TMEM235: variants seen among roughly 807,000 people sequenced by gnomAD.
TMEM235 encodes claudin-27.
In TMEM235, 23 loss-of-function variants were observed where a neutral mutation model predicts 22.9. That is an observed-to-expected ratio of 1.00 (90% CI 0.72 to 1.42). TMEM235 has a LOEUF of 1.42. Ranked by LOEUF, TMEM235 falls within the 40% of genes most tolerant of loss-of-function variation. The pLI, the probability that TMEM235 is intolerant of heterozygous loss-of-function variation, is 0.00. For synonymous variants in TMEM235, 137 were observed against 140.5 expected (o/e 0.98, Z 0.17); for missense variants, 308 against 299.5 (o/e 1.03, Z -0.21).
chr17:78,234,801 T>G, intron 4 of TMEM235, 71 bp downstream of exon 3: 1 of 1,516,236 alleles, frequency 6.6e-7, no homozygotes, highest in Non-Finnish European at 8.8e-7. Flanking sequence ...AGTGGGGTGC[T>G]GCCTCTCCTG....
intron 5 of TMEM235, 130 bp downstream of exon 4, chr17:78,239,403 A>G (rs1599048261): frequency 1.7e-6 from 2 of 1,169,018 alleles, no homozygotes; most frequent in East Asian, 2.6e-5. Context: ...TGGGGGTGAC[A>G]AGGGGTGGAG....
chr17:78,239,034 A>T (rs1181232445), exon 5 of TMEM235: 2 of 1,540,464 alleles, frequency 1.3e-6, no homozygotes, highest in East Asian at 4.9e-5. Flanking sequence ...GTGTCCTGAC[A>T]CTGGCGGGGG....
rs2076666562 is a variant in TMEM235, at chr17:78,238,301, G to A, written c.410-723G>A. ...GCCCAGCTTCATTCCTTTGACAACA[G>A]CTTTGACCATGTGGAGAGCGGGAGG... On this transcript the variant is annotated intron_variant, in intron 4 of 5. Coordinates refer to ENST00000421688, the Ensembl canonical transcript of TMEM235. The surrounding 1 kb of genome is among the most constrained non-coding windows in gnomAD (Gnocchi z 4.3). Among the ~76,000 whole-genome samples, 2 of 152,186 alleles carry A rather than the reference G, an allele frequency of 1.3e-5. No homozygotes were observed. Among genetic ancestry groups the A allele is most frequent in the South Asian group, 4.1e-4 (2 of 4,836 alleles).
chr17:78,231,537 C>A, exon 2 of TMEM235: 1 of 1,303,908 alleles, frequency 7.7e-7, no homozygotes, highest in Non-Finnish European at 1.0e-6. Flanking sequence ...CCGTGCCAGG[C>A]TCCTATGCTT....
At chr17:78,235,182 T>A (rs1205913641) in intron 4 of TMEM235, among the ~76,000 whole-genome samples, 1 of 152,222 alleles carries the variant, frequency 6.6e-6, no homozygotes, top group Non-Finnish European at 1.5e-5. Flanking sequence ...GATGCTTGGC[T>A]TCTGGGGAGG....
exon 6 of TMEM235, chr17:78,239,846 G>A (rs781779785): frequency 6.8e-5 from 106 of 1,551,412 alleles, no homozygotes; most frequent in South Asian, 2.0e-4. Flanking sequence ...GAGAGATGCC[G>A]TCTCAGGCCA....
rs767723498 is a variant in TMEM235 at position 78,232,161 on chromosome 17, C to T, written c.138C>T (p.Pro46=). The change falls in exon 2 of 6, where the codon CCC becomes CCT. Residue 46 remains proline (P), a synonymous_variant. Transcript: ENST00000421688. ...ACGCCGGCAATGGCAGCGCCTGGCCCGGGCGCGCAGAGCTGCTCTCCTCGC... is the reference window on the plus strand; with the variant it reads ...ACGCCGGCAATGGCAGCGCCTGGCCTGGGCGCGCAGAGCTGCTCTCCTCGC... 4 of 1,488,162 alleles carry T rather than the reference C, an allele frequency of 2.7e-6. No individual in the cohort carries two copies. In the South Asian group the frequency reaches 3.8e-5, roughly 14 times the overall value. The allele number at this position is 1,488,162 out of a possible 1,614,324, so 92.2% of individuals were successfully genotyped here. A position where few individuals can be genotyped will look rare whatever the true frequency, so the allele number is the denominator to read the frequency against.
rs1035912798 is a variant in TMEM235, at chr17:78,237,063, G to A, written c.410-1961G>A. ...GACCCTCTGCATTGTGCCTGGGAGC[G>A]AAGGCACCGGCTAGGGGGTGGAGGG... On this transcript the variant is annotated intron_variant, in intron 4 of 5. Transcript: ENST00000421688. This position sits in a 1 kb window ranked among gnomAD's most constrained non-coding sequence, Gnocchi z 4.7. 5.9e-5 allele frequency among the ~76,000 whole-genome samples: 9 copies of A among 152,008 alleles called. No homozygotes were observed. Among genetic ancestry groups the A allele is most frequent in the African/African-American group, 1.7e-4 (7 of 41,270 alleles).
intron 4 of TMEM235, among the ~76,000 whole-genome samples, chr17:78,235,758 G>A (rs535601431): frequency 7.2e-5 from 11 of 152,042 alleles, no homozygotes; most frequent in African/African-American, 1.4e-4. Context: ...CTGCCACCAC[G>A]CCCGGCTAAT....
chr17:78,234,367 C>G (rs188557237), intron 3 of TMEM235: 1 of 738,266 alleles, frequency 1.4e-6, no homozygotes, highest in Non-Finnish European at 2.4e-6. Flanking sequence ...ACATGTGAGG[C>G]CTGGGGATGG....
chr17:78,231,992 C>A lies in TMEM235; in HGVS notation c.-32C>A, dbSNP rs1190991234. On this transcript the variant is annotated 5_prime_UTR_variant, in exon 2 of 6. Coordinates refer to ENST00000421688, the Ensembl canonical transcript of TMEM235. Reference sequence around the variant, plus strand: ...CCCGCCGCCCCCGGGGCCCTGCTACCCCCGACCCGTCCCCTCCCGCCGGCC... The same window carrying A: ...CCCGCCGCCCCCGGGGCCCTGCTACACCCGACCCGTCCCCTCCCGCCGGCC... The A allele has an allele frequency of 1.7e-6, 2 of 1,199,104 alleles. 1 individual carries two copies. Among genetic ancestry groups the A allele is most frequent in the Non-Finnish European group, 2.1e-6 (2 of 965,362 alleles). 74.3% of individuals were successfully genotyped at this position (1,199,104 alleles called of 1,614,324 possible).
chr17:78,239,015 C>CT lies in TMEM235; in HGVS notation c.410-8dup. 1 of 1,535,460 alleles carries CT rather than the reference C, an allele frequency of 6.5e-7. No homozygotes were observed. Among genetic ancestry groups the CT allele is most frequent in the Non-Finnish European group, 8.8e-7 (1 of 1,142,036 alleles). ...CACCGAGCAGCTGCCCTCCCCATCT[C>CT]TCCCCCAGGTGTCCTGACACTGGCG... On this transcript the variant is annotated splice_polypyrimidine_tract_variant and intron_variant, in intron 4 of 5. Transcript: ENST00000421688.
chr17:78,233,971 C>T, exon 3 of TMEM235: 1 of 1,525,952 alleles, frequency 6.6e-7, no homozygotes, highest in Non-Finnish European at 8.8e-7. Flanking sequence ...TGCAGCACCT[C>T]ATCTGTGAGT....
chr17:78,234,615 G>A (rs999064342), exon 4 of TMEM235: 3 of 1,536,204 alleles, frequency 2.0e-6, no homozygotes, highest in Non-Finnish European at 2.6e-6. Context: ...CAGTCATTGT[G>A]GTCCTGCCCC....
chr17:78,232,298 CGCCA>C (rs745972254), intron 2 of TMEM235, 85 bp downstream of exon 1: 8 of 1,278,446 alleles, frequency 6.3e-6, no homozygotes, highest in Non-Finnish European at 7.1e-6. Flanking sequence ...CGTGTTGCCC[CGCCA>C]GACCCCCTTC....
chr17:78,239,722 G>A (rs964509510), intron 5 of TMEM235, 58 bp from the exon 5 acceptor site: 17 of 1,500,740 alleles, frequency 1.1e-5, no homozygotes, highest in Admixed American at 6.5e-5. Context: ...TGGGCTCCAT[G>A]CTCCTCTCCA....
At chr17:78,233,611 C>T (rs1366159440) in intron 2 of TMEM235, among the ~76,000 whole-genome samples, 3 of 151,660 alleles carry the variant, frequency 2.0e-5, no homozygotes, top group East Asian at 1.9e-4. Flanking sequence ...AGGAGAATGG[C>T]GCGAAACCGG....
exon 2 of TMEM235, chr17:78,231,709 G>C: frequency 7.9e-7 from 1 of 1,270,318 alleles, no homozygotes; most frequent in Non-Finnish European, 1.0e-6. Context: ...ATTAAGGAAC[G>C]TGCCCAGGGA....
rs150391408 is a variant in TMEM235, at chr17:78,237,411, G to A, written c.410-1613G>A. On this transcript the variant is annotated intron_variant, in intron 4 of 5. Transcript: ENST00000421688. The surrounding 1 kb of genome is among the most constrained non-coding windows in gnomAD (Gnocchi z 4.7). ...CAGCTTGAGGTTGCAGGTGCCAGCC[G>A]CAGAGGCCTCCTTTAGGAGGTCTGC... Among the ~76,000 whole-genome samples, 5 of 152,246 alleles carry A rather than the reference G, an allele frequency of 3.3e-5. No homozygotes were observed. The highest frequency in any genetic ancestry group is 6.5e-5 in the Admixed American group (1 of 15,296).
Sources: gnomAD v4.1 joint callset for allele counts (sites outside exome capture counted in the v4.1 genomes callset) on GRCh38, gnomAD v4.1.1 for gene constraint, Gnocchi (gnomAD v3.1) non-coding constraint, MANE v1.5 for transcripts, NCBI Gene and HGNC (gene_info 2026-07-23, HGNC 2026-07-21) for gene names.